Variants in PTK2B observed in about 807,000 individuals in gnomAD.
PTK2B encodes protein-tyrosine kinase 2-beta.
A neutral mutation model predicts 142.9 loss-of-function variants in PTK2B; 71 were observed. That is an observed-to-expected ratio of 0.50 (90% CI 0.41 to 0.61). The LOEUF is 0.61. Ranked by LOEUF, PTK2B falls within the 20% of genes least tolerant of loss-of-function variation. The pLI, the probability that PTK2B is intolerant of heterozygous loss-of-function variation, is 0.00. For synonymous variants in PTK2B, 519 were observed against 503.4 expected (o/e 1.03, Z -0.42); for missense variants, 1,105 against 1,320.4 (o/e 0.84, Z 2.53).
At chr8:27,332,865 C>T (rs1803842735) in intron 1 of PTK2B, among the ~76,000 whole-genome samples, 1 of 152,212 alleles carries the variant, frequency 6.6e-6, no homozygotes, top group Non-Finnish European at 1.5e-5. Flanking sequence ...AGGCATGAAC[C>T]ACCACTTCTT....
Position 27,458,555 on chromosome 8 carries a change from A to G in PTK2B, c.*46A>G, listed in dbSNP as rs754841010. 3 of 1,531,952 alleles carry G rather than the reference A, an allele frequency of 2.0e-6. No homozygotes were observed. The highest frequency in any genetic ancestry group is 1.8e-6 in the Non-Finnish European group (2 of 1,134,396). The allele number at this position is 1,531,952 out of a possible 1,614,324, so 94.9% of individuals were successfully genotyped here. A position where few individuals can be genotyped will look rare whatever the true frequency, so the allele number is the denominator to read the frequency against. ...CCTGCGTCTTCCGCCCCTGCCTGCC[A>G]TGTACCTCCCCTGCCTTGCTGTTGG... is the stretch of plus-strand genomic sequence containing the variant. On this transcript the variant is annotated 3_prime_UTR_variant, in exon 31 of 31. Transcript: ENST00000346049.
Position 27,458,517 on chromosome 8 carries a change from T to A in PTK2B, c.*8T>A. On this transcript the variant is annotated 3_prime_UTR_variant, in exon 31 of 31. Coordinates refer to ENST00000346049, the MANE Select transcript of PTK2B (RefSeq NM_173176.3). ...CACCCACCTGCAGAGTGACGGAGGGTGGGGGCCACCTGCCTGCGTCTTCCG... is the reference window on the plus strand; with the variant it reads ...CACCCACCTGCAGAGTGACGGAGGGAGGGGGCCACCTGCCTGCGTCTTCCG... 1.3e-6 allele frequency: 2 copies of A among 1,557,002 alleles called. No individual in the cohort carries two copies. Among genetic ancestry groups the A allele is most frequent in the South Asian group, 2.4e-5 (2 of 84,938 alleles).
chr8:27,406,881 A>T (rs1465403121), intron 2 of PTK2B, among the ~76,000 whole-genome samples: 1 of 152,214 alleles, frequency 6.6e-6, no homozygotes, highest in African/African-American at 2.4e-5. Flanking sequence ...GCTCTGAGGC[A>T]GGCACTGCAT....
intron 25 of PTK2B, 32 bp from the exon 26 acceptor site, chr8:27,451,011 T>G (rs200088615): frequency 1.2e-6 from 2 of 1,610,748 alleles, no homozygotes; most frequent in East Asian, 2.2e-5. Flanking sequence ...TCCAGAATTC[T>G]TAGTCCTTCG....
At chr8:27,341,470 A>G (rs1804397284) in intron 1 of PTK2B, among the ~76,000 whole-genome samples, 1 of 152,204 alleles carries the variant, frequency 6.6e-6, no homozygotes, top group South Asian at 2.1e-4. Context: ...AGATAAGAAC[A>G]AGATGCACAA....
At position 27,437,416 on chromosome 8, in the gene PTK2B, C is replaced by T. The variant is rs758726335; in HGVS notation, c.1447C>T (p.His483Tyr). Residue 483 changes from histidine (H) to tyrosine (Y), a missense_variant, in exon 17 of 31, where the codon CAC becomes TAC. Physicochemically the swap from His to Tyr is moderately conservative, Grantham distance 83. Transcript: ENST00000346049. ...TGCAGTGATCATGAAGAACCTCGAC[C>T]ACCCGCACATCGTGAAGCTGATCGG... ...SEAVIMKNLDHPHIVKLIGII... is the reference protein window; with the variant it reads ...SEAVIMKNLDYPHIVKLIGII... 1.1e-5 allele frequency: 17 copies of T among 1,612,750 alleles called. No homozygotes were observed. Among genetic ancestry groups the T allele is most frequent in the Admixed American group, 3.3e-5 (2 of 59,728 alleles).
At position 27,458,526 on chromosome 8, in the gene PTK2B, C is replaced by T. The variant is rs771430293; in HGVS notation, c.*17C>T. 23 of 1,552,334 alleles carry T rather than the reference C, an allele frequency of 1.5e-5. No homozygotes were observed. The Admixed American group carries it at 4.1e-4, about 28-fold the overall frequency. The stretch of plus-strand genomic sequence containing the variant: ...GCAGAGTGACGGAGGGTGGGGGCCA[C>T]CTGCCTGCGTCTTCCGCCCCTGCCT... On this transcript the variant is annotated 3_prime_UTR_variant, in exon 31 of 31. Transcript: ENST00000346049.
chr8:27,413,124 A>G (rs1285337335), intron 2 of PTK2B, among the ~76,000 whole-genome samples: 4 of 151,904 alleles, frequency 2.6e-5, no homozygotes, highest in Admixed American at 1.3e-4. Context: ...CTGTATTGCC[A>G]GCTCAGTCTC....
chr8:27,364,671 T>C (rs1805912486), intron 1 of PTK2B, among the ~76,000 whole-genome samples: 1 of 152,208 alleles, frequency 6.6e-6, no homozygotes, highest in Non-Finnish European at 1.5e-5. Flanking sequence ...TGCATATGAG[T>C]GATCCCAGAA....
At chr8:27,391,111 G>A (rs1315287205) in intron 1 of PTK2B, among the ~76,000 whole-genome samples, 1 of 145,268 alleles carries the variant, frequency 6.9e-6, no homozygotes. Flanking sequence ...GTGAAGTTTC[G>A]CTCTTTTCCC....
chr8:27,368,773 G>A (rs1806166872), intron 1 of PTK2B, among the ~76,000 whole-genome samples: 1 of 152,174 alleles, frequency 6.6e-6, no homozygotes, highest in Non-Finnish European at 1.5e-5. Context: ...TTCTGTCCAG[G>A]AACACTGACC....
In PTK2B at chr8:27,431,401, G is replaced by A. The variant is rs941186551; in HGVS notation, c.814G>A (p.Gly272Arg). ...QETYRCELIQ[G>R]WNITVDLVIG... ...GTCCACTCTCCTTTTATTCCAGCAAGGATGGAACATTACTGTGGACCTGGT... is the reference window on the plus strand; with the variant it reads ...GTCCACTCTCCTTTTATTCCAGCAAAGATGGAACATTACTGTGGACCTGGT... Residue 272 changes from glycine (G) to arginine (R), a missense_variant, in exon 9 of 31, where the codon GGA becomes AGA. By Grantham distance (125) the Gly-to-Arg change is moderately radical. Transcript: ENST00000346049. 1 of 1,614,214 alleles carries A rather than the reference G, an allele frequency of 6.2e-7. No homozygotes were observed. Among genetic ancestry groups the A allele is most frequent in the South Asian group, 1.1e-5 (1 of 91,090 alleles).
At position 27,413,656 on chromosome 8, in the gene PTK2B, G is replaced by A. The variant is rs550586863; in HGVS notation, c.205-6239G>A. ...CTGTGCTTACCTGCTGCACCACTAG[G>A]GACGTAAACCATGATGATCGGTTGT... On this transcript the variant is annotated intron_variant, in intron 2 of 30. Coordinates refer to ENST00000346049, the MANE Select transcript of PTK2B (RefSeq NM_173176.3). Among the ~76,000 whole-genome samples the A allele has an allele frequency of 7.9e-5, 12 of 152,240 alleles. No homozygotes were observed. The South Asian group carries it at 2.5e-3, about 32-fold the overall frequency.
chr8:27,394,706 A>G (rs1466837378), intron 1 of PTK2B, among the ~76,000 whole-genome samples: 1 of 152,250 alleles, frequency 6.6e-6, no homozygotes, highest in African/African-American at 2.4e-5. Context: ...AACTTTTTTT[A>G]AAGCTTGTTG....
At chr8:27,443,934 GTA>G (rs1811311738) in intron 22 of PTK2B, among the ~76,000 whole-genome samples, 1 of 152,084 alleles carries the variant, frequency 6.6e-6, no homozygotes, top group South Asian at 2.1e-4. Flanking sequence ...GTGCTCCCAC[GTA>G]TAGGGAAGCA....
intron 1 of PTK2B, among the ~76,000 whole-genome samples, chr8:27,360,355 C>T (rs1337759114): frequency 6.6e-6 from 1 of 152,206 alleles, no homozygotes; most frequent in Non-Finnish European, 1.5e-5. Flanking sequence ...CGGCAAGCGC[C>T]GCAGAGAAGG....
chr8:27,382,895 C>A (rs1807114644), intron 1 of PTK2B, among the ~76,000 whole-genome samples: 2 of 152,208 alleles, frequency 1.3e-5, no homozygotes, highest in South Asian at 4.2e-4. Flanking sequence ...GTTCTCTATT[C>A]TGTTTCATTT....
intron 2 of PTK2B, among the ~76,000 whole-genome samples, chr8:27,407,765 C>G (rs889718626): frequency 3.3e-5 from 5 of 152,176 alleles, no homozygotes; most frequent in African/African-American, 1.2e-4. Flanking sequence ...GGTTAATCAA[C>G]TCCTCAGGTT....
intron 4 of PTK2B, among the ~76,000 whole-genome samples, 157 bp downstream of exon 4, chr8:27,420,901 C>T (rs887397160): frequency 6.6e-6 from 1 of 152,146 alleles, no homozygotes; most frequent in Non-Finnish European, 1.5e-5. Context: ...GTCTATGGTC[C>T]GCGGCTCCAA....
Sources: allele counts gnomAD v4.1 joint callset (sites outside exome capture counted in the v4.1 genomes callset), GRCh38; gene constraint gnomAD v4.1.1; transcripts MANE v1.5; gene names NCBI Gene and HGNC (gene_info 2026-07-23, HGNC 2026-07-21).